Variants in TENM1 observed in about 807,000 individuals in gnomAD.
TENM1 encodes the protein teneurin transmembrane protein 1, also known as teneurin-1.
A neutral mutation model predicts 174.8 loss-of-function variants in TENM1; 35 were observed. The observed-to-expected ratio is 0.20, with a 90% confidence interval of 0.15 to 0.27. The LOEUF (loss-of-function observed/expected upper bound fraction) is 0.27, where lower values mean the gene tolerates loss of function less well. Ranked by LOEUF, TENM1 falls within the 10% of genes least tolerant of loss-of-function variation. TENM1 has a pLI of 1.00. For synonymous variants in TENM1, 781 were observed against 798.7 expected, an observed-to-expected ratio of 0.98 and a Z score of 0.37; for missense variants, 1,633 against 2,130.1, an observed-to-expected ratio of 0.77 and a Z score of 4.59.
At chrX:124,556,980 C>T (rs2048709056) in intron 14 of TENM1, among the ~76,000 whole-genome samples, 1 of 111,923 alleles carries the variant, frequency 8.9e-6, no homozygotes, top group African/African-American at 3.2e-5. Flanking sequence ...TTATCATTTT[C>T]TCTCCAGTGT....
the TENM1 span, among the ~76,000 whole-genome samples, chrX:125,138,854 G>A: frequency 6.3e-5 from 7 of 110,291 alleles, no homozygotes; most frequent in Non-Finnish European, 1.3e-4. Context: ...GTAGGTGTGG[G>A]GACTTCTAAT....
At chrX:124,435,884 C>G in intron 23 of TENM1, among the ~76,000 whole-genome samples, 1 of 111,611 alleles carries the variant, frequency 9.0e-6, no homozygotes, top group Non-Finnish European at 1.9e-5. Context: ...TTTAAGGAAG[C>G]ATGCGGGCTA....
chrX:124,915,666 T>C (rs2057910592), intron 1 of TENM1, among the ~76,000 whole-genome samples: 1 of 112,280 alleles, frequency 8.9e-6, no homozygotes, highest in African/African-American at 3.2e-5. Context: ...TCAAAAGCAT[T>C]CTAAGCAAGG....
At chrX:124,544,262 C>G (rs1352020071) in intron 15 of TENM1, among the ~76,000 whole-genome samples, 1 of 112,303 alleles carries the variant, frequency 8.9e-6, no homozygotes, top group African/African-American at 3.2e-5. Flanking sequence ...TTCTAAGTAG[C>G]CAAAATGGCC....
In TENM1 at chrX:124,727,681, G is replaced by A. The variant is rs2053473140; in HGVS notation, c.776+9276C>T. ...GATAGAATGAAAAAAACATTCTATA[G>A]AAAAGAAGGAAAGCAGTAAATCATG... On this transcript the variant is annotated intron_variant, in intron 4 of 31. Transcript: ENST00000422452. Among the ~76,000 whole-genome samples the A allele has an allele frequency of 2.7e-5, 3 of 111,402 alleles. No homozygotes were observed. In the South Asian group the frequency reaches 1.1e-3, roughly 42 times the overall value.
chrX:124,773,438 C>A (rs1320080038), intron 3 of TENM1, among the ~76,000 whole-genome samples: 17 of 104,349 alleles, frequency 1.6e-4, no homozygotes, highest in African/African-American at 5.3e-4. Context: ...AAAAAAAAAA[C>A]ATGTAAAAAT....
At chrX:124,835,714 G>T (rs747859783) in intron 3 of TENM1, among the ~76,000 whole-genome samples, 1 of 111,475 alleles carries the variant, frequency 9.0e-6, no homozygotes, top group African/African-American at 3.3e-5. Context: ...CTGAGAGTTG[G>T]CATAGAGTTA....
chrX:124,548,345 T>C (rs1264590833), intron 14 of TENM1, among the ~76,000 whole-genome samples: 1 of 111,176 alleles, frequency 9.0e-6, no homozygotes, highest in Non-Finnish European at 1.9e-5. Flanking sequence ...AGGTGCAAAA[T>C]ACTGTTAGGT....
rs747731391 is a variant in TENM1, at chrX:124,536,389, G to C, written c.2652-6406C>G. Among the ~76,000 whole-genome samples, 7 of 111,492 alleles carry C rather than the reference G, an allele frequency of 6.3e-5. No homozygotes were observed. In the East Asian group the frequency reaches 2.0e-3, roughly 32 times the overall value. On this transcript the variant is annotated intron_variant, in intron 15 of 31. Coordinates refer to ENST00000422452, the Ensembl canonical transcript of TENM1. ...CCAAATAAACAATGCCTACCAAGTG[G>C]GTAGCATTAAAAGCAGCTGGGAGCA...
At chrX:125,147,945 C>T in the TENM1 span, among the ~76,000 whole-genome samples, 1 of 111,919 alleles carries the variant, frequency 8.9e-6, no homozygotes, top group South Asian at 3.7e-4. Flanking sequence ...GACTTTTTCT[C>T]TTATTCATAG....
intron 3 of TENM1, among the ~76,000 whole-genome samples, chrX:124,748,553 G>C (rs2053989365): frequency 9.0e-6 from 1 of 111,215 alleles, no homozygotes; most frequent in South Asian, 3.8e-4. Context: ...CTTATATTTA[G>C]TAGTAGAAGA....
At chrX:125,035,154 AC>A in the TENM1 span, among the ~76,000 whole-genome samples, 1 of 111,371 alleles carries the variant, frequency 9.0e-6, no homozygotes, top group Non-Finnish European at 1.9e-5. Context: ...GAAATGGTAT[AC>A]CTATATTTGG....
intron 21 of TENM1, among the ~76,000 whole-genome samples, chrX:124,486,352 T>C (rs1167797130): frequency 8.9e-6 from 1 of 112,417 alleles, no homozygotes; most frequent in Non-Finnish European, 1.9e-5. Context: ...AATGGGCAAT[T>C]AATGTTTATA....
chrX:124,703,547 A>G (rs1468693646), intron 5 of TENM1, among the ~76,000 whole-genome samples: 2 of 112,156 alleles, frequency 1.8e-5, no homozygotes, highest in Middle Eastern at 4.2e-3. Flanking sequence ...TATCTAAAAC[A>G]TTATCTCTCT....
chrX:124,553,623 T>TAA (rs767529045), intron 14 of TENM1, among the ~76,000 whole-genome samples: 7 of 79,053 alleles, frequency 8.9e-5, no homozygotes, highest in Non-Finnish European at 1.0e-4. Flanking sequence ...ATCTTGCCTT[T>TAA]AAAAAAAAAA....
intron 18 of TENM1, among the ~76,000 whole-genome samples, chrX:124,514,028 T>C (rs2047642268): frequency 9.0e-6 from 1 of 111,466 alleles, no homozygotes; most frequent in South Asian, 3.8e-4. Flanking sequence ...ATGTACAGGG[T>C]TACTTTGTGG....
At chrX:124,520,859 TTTG>T in intron 17 of TENM1, 75 bp from the exon 21 acceptor site, 1 of 962,785 alleles carries the variant, frequency 1.0e-6, no homozygotes, top group Non-Finnish European at 1.4e-6. Context: ...TATTGCATGC[TTTG>T]TTGTCTTTGA....
the TENM1 span, among the ~76,000 whole-genome samples, chrX:125,084,060 G>T: frequency 9.0e-6 from 1 of 111,371 alleles, no homozygotes; most frequent in African/African-American, 3.3e-5. Flanking sequence ...ATAGAAGACA[G>T]GAAGGATTTT....
chrX:124,846,939 T>C (rs1569463076), intron 3 of TENM1, among the ~76,000 whole-genome samples: 2 of 111,983 alleles, frequency 1.8e-5, no homozygotes, highest in Middle Eastern at 4.6e-3. Context: ...AGGAACGATA[T>C]AACATTAGCA....
Sources: allele counts gnomAD v4.1 joint callset (sites outside exome capture counted in the v4.1 genomes callset), GRCh38; gene constraint gnomAD v4.1.1; transcripts MANE v1.5; gene names NCBI Gene and HGNC (gene_info 2026-07-23, HGNC 2026-07-21).